CRYAB: variants seen among roughly 807,000 people sequenced by gnomAD.
CRYAB encodes the protein alpha-crystallin B chain.
A neutral mutation model predicts 12.7 loss-of-function variants in CRYAB; 9 were observed. The observed-to-expected ratio is 0.71, with a 90% confidence interval of 0.43 to 1.24. The LOEUF is 1.24. CRYAB is among the 50% of genes most tolerant of loss of function. The pLI is 0.00. For missense variants in CRYAB, 183 were observed against 226.6 expected (o/e 0.81, Z 1.24); for synonymous variants, 93 against 86.8 (o/e 1.07, Z -0.40).
intron 2 of CRYAB, chr11:111,909,614 C>G: frequency 4.9e-6 from 1 of 203,638 alleles, no homozygotes; most frequent in Non-Finnish European, 1.0e-5. Flanking sequence ...AACCCGTATG[C>G]CTGCTGACTC....
rs973776291 is a variant in CRYAB at position 111,910,507 on chromosome 11, C to T, written c.202-58G>A. On this transcript the variant is annotated intron_variant, in intron 1 of 2. Coordinates refer to ENST00000650687, the MANE Select transcript of CRYAB (RefSeq NM_001289808.2). ...AGAAAGAGGGCAAAAATACTGATTACACAGGTGCTGTCTTATTCTGCAGAG... is the reference window on the plus strand; with the variant it reads ...AGAAAGAGGGCAAAAATACTGATTATACAGGTGCTGTCTTATTCTGCAGAG... 140 of 1,600,980 alleles carry T rather than the reference C, an allele frequency of 8.7e-5. No individual in the cohort carries two copies. In the African/African-American group the frequency reaches 1.7e-3, roughly 20 times the overall value.
intron 2 of CRYAB, chr11:111,909,632 T>C (rs1385910699): frequency 4.9e-6 from 1 of 202,672 alleles, no homozygotes; most frequent in Non-Finnish European, 1.0e-5. Context: ...CTCTCAAGCA[T>C]GTAGCCAAAC....
chr11:111,910,279 A>T (rs185795480), intron 2 of CRYAB, 48 bp downstream of exon 2: 1 of 1,612,384 alleles, frequency 6.2e-7, no homozygotes, highest in Non-Finnish European at 8.5e-7. Flanking sequence ...GGACTATTAC[A>T]GTATGCACTG....
At chr11:111,915,543 C>A (rs1221310879), upstream of CRYAB, among the ~76,000 whole-genome samples, 1 of 152,132 alleles carries the variant, frequency 6.6e-6, no homozygotes, top group Admixed American at 6.5e-5. Context: ...TAGACTTCAA[C>A]CAAAATAGCT....
chr11:111,915,032 T>C (rs1555166036), upstream of CRYAB, among the ~76,000 whole-genome samples: 1 of 152,158 alleles, frequency 6.6e-6, no homozygotes. Context: ...ATTGCGCCAC[T>C]GCACTCCAGC....
At chr11:111,919,992 G>A (rs1487516729) in intron 1 of CRYAB, among the ~76,000 whole-genome samples, 6 of 151,838 alleles carry the variant, frequency 4.0e-5, no homozygotes, top group Non-Finnish European at 8.8e-5. Context: ...TCAGGAGATC[G>A]AGACCATCCT....
chr11:111,912,675 A>AC, upstream of CRYAB: 1 of 379,184 alleles, frequency 2.6e-6, no homozygotes, highest in South Asian at 2.1e-5. Context: ...CCCCACTCCC[A>AC]GCCCCTCCCC....
upstream of CRYAB, chr11:111,917,997 A>C (rs1555166220): frequency 6.6e-6 from 1 of 152,158 alleles, no homozygotes; most frequent in Non-Finnish European, 1.5e-5. Flanking sequence ...TCATAAGAGG[A>C]GGAGTTCAAA....
At chr11:111,918,436 G>A (rs1395327946) in intron 1 of CRYAB, among the ~76,000 whole-genome samples, 1 of 152,140 alleles carries the variant, frequency 6.6e-6, no homozygotes, top group African/African-American at 2.4e-5. Flanking sequence ...GAGAATATAT[G>A]AGGAACCCAT....
At chr11:111,913,648 C>T (rs1555165878), upstream of CRYAB, 2 of 1,614,118 alleles carry the variant, frequency 1.2e-6, no homozygotes, top group Admixed American at 1.7e-5. Flanking sequence ...GAGGTGTCTG[C>T]CCGGCACCCC....
intron 2 of CRYAB, 38 bp from the exon 3 acceptor site, chr11:111,909,005 G>T: frequency 6.2e-7 from 1 of 1,606,640 alleles, no homozygotes; most frequent in South Asian, 1.1e-5. Context: ...AGAGAGATAA[G>T]AACAGGAACT....
At chr11:111,917,647 T>TAA (rs782257276), upstream of CRYAB, among the ~76,000 whole-genome samples, 9 of 136,590 alleles carry the variant, frequency 6.6e-5, no homozygotes, top group Non-Finnish European at 9.6e-5. Flanking sequence ...CACATTAATT[T>TAA]AAAAAAAAAA....
chr11:111,910,565 T>C, intron 1 of CRYAB, 116 bp from the exon 2 acceptor site: 3 of 1,313,220 alleles, frequency 2.3e-6, no homozygotes, highest in Non-Finnish European at 3.3e-6. Flanking sequence ...ATCCTTCTCT[T>C]CTCTGCTTAA....
chr11:111,908,672 A>C lies in CRYAB; in HGVS notation c.*92T>G. On this transcript the variant is annotated 3_prime_UTR_variant, in exon 3 of 3. Coordinates refer to ENST00000650687, the MANE Select transcript of CRYAB (RefSeq NM_001289808.2). Reference sequence around the variant, plus strand: ...AGCTTGATAATTTGGGCCTGCCCTTAGCATTAATAAGCTTCAGCACTAGTC... The same window carrying C: ...AGCTTGATAATTTGGGCCTGCCCTTCGCATTAATAAGCTTCAGCACTAGTC... The C allele has an allele frequency of 7.9e-7, 1 of 1,263,222 alleles. No homozygotes were observed. Among genetic ancestry groups the C allele is most frequent in the East Asian group, 2.3e-5 (1 of 43,138 alleles). 78.3% of individuals were successfully genotyped at this position (1,263,222 alleles called of 1,614,324 possible). A position where few individuals can be genotyped will look rare whatever the true frequency, so the allele number is the denominator to read the frequency against.
upstream of CRYAB, chr11:111,912,591 C>T: frequency 3.5e-6 from 2 of 573,064 alleles, no homozygotes; most frequent in African/African-American, 1.9e-5. Context: ...CCTGCGACAG[C>T]TGAAGAGTGT....
At chr11:111,909,925 C>T (rs914787696) in intron 2 of CRYAB, 3 of 551,316 alleles carry the variant, frequency 5.4e-6, no homozygotes, top group Non-Finnish European at 6.5e-6. Flanking sequence ...ATGCCTGGGT[C>T]CCACCCTTAA....
At chr11:111,918,888 C>CCG (rs1460272209) in intron 1 of CRYAB, 5 of 1,523,876 alleles carry the variant, frequency 3.3e-6, no homozygotes, top group Non-Finnish European at 4.5e-6. Context: ...CCGGGAGCTG[C>CCG]CGCGGAAAGC....
intron 2 of CRYAB, chr11:111,910,009 G>A (rs1228679384): frequency 6.5e-6 from 4 of 612,014 alleles, no homozygotes; most frequent in African/African-American, 1.8e-5. Context: ...GAGTATGCCC[G>A]AGCATTAGGT....
At chr11:111,918,351 T>C (rs782571531) in intron 1 of CRYAB, among the ~76,000 whole-genome samples, 18 of 152,208 alleles carry the variant, frequency 1.2e-4, no homozygotes, top group Non-Finnish European at 2.1e-4. Context: ...TTCAGTTTTT[T>C]TCATTTCACA....
Sources: gnomAD v4.1 joint callset for allele counts (sites outside exome capture counted in the v4.1 genomes callset) on GRCh38, gnomAD v4.1.1 for gene constraint, MANE v1.5 for transcripts, NCBI Gene and HGNC (gene_info 2026-07-23, HGNC 2026-07-21) for gene names.